PRMT9: variants seen among roughly 807,000 people sequenced by gnomAD.
PRMT9 encodes protein arginine N-methyltransferase 9.
PRMT9 carries 59 observed loss-of-function variants against 83.2 expected under a neutral mutation model. The observed-to-expected ratio is 0.71, with a 90% CI of 0.57 to 0.88. The LOEUF (loss-of-function observed/expected upper bound fraction) is 0.88, where lower values mean the gene tolerates loss of function less well. PRMT9 is among the 40% of genes least tolerant of loss of function. PRMT9 has a pLI of 0.00. For synonymous variants in PRMT9, 333 were observed against 353.2 expected (o/e 0.94, Z 0.64); for missense variants, 947 against 1,021.9 (o/e 0.93, Z 1.00).
intron 10 of PRMT9, among the ~76,000 whole-genome samples, chr4:147,640,678 G>A (rs1014263089): frequency 3.3e-5 from 5 of 151,900 alleles, no homozygotes; most frequent in African/African-American, 1.2e-4. Context: ...AAAAAAAAAA[G>A]GAGTCCTCTT....
At chr4:147,659,593 T>C (rs1017365829) in intron 7 of PRMT9, among the ~76,000 whole-genome samples, 3 of 144,818 alleles carry the variant, frequency 2.1e-5, no homozygotes, top group African/African-American at 7.5e-5. Flanking sequence ...TTTTTTTTTT[T>C]CTGAGACGGA....
intron 6 of PRMT9, among the ~76,000 whole-genome samples, chr4:147,665,459 T>C (rs182147993): frequency 3.3e-5 from 5 of 152,314 alleles, no homozygotes; most frequent in African/African-American, 1.2e-4. Context: ...ATTTTGGTGA[T>C]TAAATTGTCC....
At chr4:147,672,084 C>A in intron 4 of PRMT9, 1 of 340,672 alleles carries the variant, frequency 2.9e-6, no homozygotes, top group Non-Finnish European at 5.8e-6. Flanking sequence ...CCAAGTGGAA[C>A]AAGACAACTG....
intron 2 of PRMT9, 41 bp downstream of exon 2, chr4:147,680,282 C>T (rs541705795): frequency 1.3e-6 from 2 of 1,586,328 alleles, no homozygotes; most frequent in South Asian, 2.2e-5. Flanking sequence ...CAGACTAATA[C>T]AGAATAATTC....
chr4:147,653,731 G>A, intron 9 of PRMT9, 121 bp downstream of exon 9: 1 of 720,778 alleles, frequency 1.4e-6, no homozygotes, highest in Non-Finnish European at 2.3e-6. Flanking sequence ...AGTAATGCTT[G>A]AGGAGCATAC....
chr4:147,649,185 A>AGAGGGAGAGAGAGAGAGAAGAGG (rs1733933601), intron 9 of PRMT9, among the ~76,000 whole-genome samples: 1 of 151,652 alleles, frequency 6.6e-6, no homozygotes, highest in East Asian at 1.9e-4. Flanking sequence ...GAGAGAGAGA[A>AGAGGGAGAGAGAGAGAGAAGAGG]GAGGGAGAGA....
At chr4:147,675,087 T>C (rs1350913296) in intron 2 of PRMT9, among the ~76,000 whole-genome samples, 1 of 152,158 alleles carries the variant, frequency 6.6e-6, no homozygotes, top group Non-Finnish European at 1.5e-5. Flanking sequence ...TTCAAGCGAT[T>C]CTCCTGCCTC....
chr4:147,683,720 C>A, intron 1 of PRMT9, 79 bp downstream of exon 1: 1 of 1,049,862 alleles, frequency 9.5e-7, no homozygotes, highest in Non-Finnish European at 1.4e-6. Flanking sequence ...AGCCCCTCCG[C>A]TTTTTTTTTT....
chr4:147,678,469 G>A lies in PRMT9; in HGVS notation c.338+1854C>T, dbSNP rs1335989858. On this transcript the variant is annotated intron_variant, in intron 2 of 11. Coordinates refer to ENST00000322396, the MANE Select transcript of PRMT9 (RefSeq NM_138364.4). ...CCTGTACTTTCACAGAATTCTTCAC[G>A]CACATGTACTAGTATGCAGAGTTAA... Among the ~76,000 whole-genome samples the A allele has an allele frequency of 4.6e-5, 7 of 152,122 alleles. No homozygotes were observed. In the East Asian group the frequency reaches 7.7e-4, roughly 17 times the overall value.
At chr4:147,670,232 T>A (rs1416757312) in intron 5 of PRMT9, among the ~76,000 whole-genome samples, 1 of 152,216 alleles carries the variant, frequency 6.6e-6, no homozygotes, top group African/African-American at 2.4e-5. Flanking sequence ...CAGGCTGGAG[T>A]GCAATGGCGT....
At chr4:147,650,250 T>A (rs1578886538) in intron 9 of PRMT9, among the ~76,000 whole-genome samples, 2 of 152,186 alleles carry the variant, frequency 1.3e-5, no homozygotes, top group African/African-American at 2.4e-5. Context: ...TATTCATAGA[T>A]GATATGTCAT....
chr4:147,678,143 T>C (rs903724426), intron 2 of PRMT9, among the ~76,000 whole-genome samples: 3 of 152,234 alleles, frequency 2.0e-5, no homozygotes, highest in Admixed American at 6.5e-5. Flanking sequence ...AGCAGATTGA[T>C]TGTTAAGAAC....
rs760056625 is a variant in PRMT9, at chr4:147,673,677, T to C, written c.536A>G (p.Lys179Arg). Residue 179 changes from lysine (K) to arginine (R), a missense_variant, in exon 3 of 12, where the codon AAA becomes AGA. Coordinates refer to ENST00000322396, the MANE Select transcript of PRMT9 (RefSeq NM_138364.4). ...TCCTGCTCCAATGTCCAAAACACTT[T>C]TGGACCCCAAACAAACTGCCTTTTG... is the stretch of plus-strand genomic sequence containing the variant. ...AIQKAVCLGS[K>R]SVLDIGAGTG... The C allele has an allele frequency of 1.9e-6, 3 of 1,614,008 alleles. No homozygotes were observed. The highest frequency in any genetic ancestry group is 2.5e-6 in the Non-Finnish European group (3 of 1,179,870).
In PRMT9 at chr4:147,639,073, G is replaced by A. The variant is rs1316247794; in HGVS notation, c.2209C>T (p.Arg737Cys). 15 of 1,613,296 alleles carry A rather than the reference G, an allele frequency of 9.3e-6. No individual in the cohort carries two copies. The highest frequency in any genetic ancestry group is 2.2e-5 in the East Asian group (1 of 44,750). The change falls in exon 11 of 12, where the codon CGT (arginine) becomes TGT (cysteine). Residue 737 changes from arginine to cysteine, a missense_variant. By Grantham distance (180) the Arg-to-Cys change is radical. Coordinates refer to ENST00000322396, the MANE Select transcript of PRMT9 (RefSeq NM_138364.4). ...PFINQFQVPI[R>C]VFLDLSSLPC... ...AATGAGGATAGGTCCAAAAATACAC[G>A]TATAGGTACCTAGAGAAAGTATAAA...
rs1162179871 is a variant in PRMT9, at chr4:147,670,768, T to C, written c.744-25A>G. On this transcript the variant is annotated intron_variant, in intron 4 of 11. Coordinates refer to ENST00000322396, the MANE Select transcript of PRMT9 (RefSeq NM_138364.4). ...TCTATAGAATGATTTTTTAAAGATA[T>C]ATGTAAGTAAAATATCATGCTATTA... The C allele has an allele frequency of 8.5e-6, 12 of 1,419,536 alleles. No individual in the cohort carries two copies. In the African/African-American group the frequency reaches 1.5e-4, roughly 18 times the overall value. The allele number at this position is 1,419,536 out of a possible 1,614,324, so 87.9% of individuals were successfully genotyped here.
At chr4:147,667,683 C>A (rs1735433378) in intron 6 of PRMT9, among the ~76,000 whole-genome samples, 1 of 151,958 alleles carries the variant, frequency 6.6e-6, no homozygotes, top group African/African-American at 2.4e-5. Flanking sequence ...ATCAGTATGT[C>A]CTAAAATATT....
At chr4:147,665,118 T>C (rs1192800564) in intron 6 of PRMT9, among the ~76,000 whole-genome samples, 2 of 63,182 alleles carry the variant, frequency 3.2e-5, no homozygotes, top group African/African-American at 5.1e-5. Flanking sequence ...CGAAACTCTG[T>C]CTAAACAAAA....
chr4:147,675,216 G>A (rs1342802456), intron 2 of PRMT9, among the ~76,000 whole-genome samples: 1 of 152,128 alleles, frequency 6.6e-6, no homozygotes, highest in African/African-American at 2.4e-5. Flanking sequence ...CCGACCTCAG[G>A]TGATTCACCC....
chr4:147,644,627 C>T lies in PRMT9; in HGVS notation c.2046-1687G>A, dbSNP rs1260897695. Among the ~76,000 whole-genome samples, 5 of 151,102 alleles carry T rather than the reference C, an allele frequency of 3.3e-5. No individual in the cohort carries two copies. The East Asian group carries it at 5.8e-4, about 18-fold the overall frequency. ...CTACGAACAAAGGATAAATGCCTGA[C>T]GGGAACCCATACCACATGTGGGCTT... is the stretch of plus-strand genomic sequence containing the variant. On this transcript the variant is annotated intron_variant, in intron 9 of 11. Coordinates refer to ENST00000322396, the MANE Select transcript of PRMT9 (RefSeq NM_138364.4).
Sources: allele counts gnomAD v4.1 joint callset (sites outside exome capture counted in the v4.1 genomes callset), GRCh38; gene constraint gnomAD v4.1.1; transcripts MANE v1.5; gene names NCBI Gene and HGNC (gene_info 2026-07-23, HGNC 2026-07-21).